The following RHOF variants were observed in gnomAD, a reference collection of about 807,000 sequenced individuals.
RHOF encodes rho-related GTP-binding protein RhoF.
Under a neutral mutation model 22.2 loss-of-function variants are expected in RHOF, and 21 were observed. The ratio of observed to expected loss-of-function variants is 0.95; its 90% CI spans 0.67 to 1.36. The LOEUF is 1.36. Ranked by LOEUF, RHOF falls within the 40% of genes most tolerant of loss-of-function variation. RHOF has a pLI of 0.00. For missense variants in RHOF, 285 were observed against 293.7 expected (o/e 0.97, Z 0.22); for synonymous variants, 135 against 131.2 (o/e 1.03, Z -0.20).
chr12:121,793,313 ACCCCCCTCACTCGTCCCGGATCAGC>A, intron 1 of RHOF, 74 bp from the exon 2 acceptor site: 1 of 1,457,294 alleles, frequency 6.9e-7, no homozygotes, highest in Non-Finnish European at 9.4e-7. Flanking sequence ...TCCACTGTCC[ACCCCCCTCACTCGTCCCGGATCAGC>A]CCCCCCTCAC....
rs1307671000 is a variant in RHOF at position 121,780,946 on chromosome 12, T to G, written c.397A>C (p.Thr133Pro). ...GIPMVLIGCKTDLRKDKEQLR... is the reference protein window; with the variant it reads ...GIPMVLIGCKPDLRKDKEQLR... Reference sequence around the variant, plus strand: ...TGCTCCTTGTCCTTCCTCAGGTCTGTCTTGCAGCCGATGAGCACCATGGGG... The same window carrying G: ...TGCTCCTTGTCCTTCCTCAGGTCTGGCTTGCAGCCGATGAGCACCATGGGG... Residue 133 changes from threonine (T) to proline (P), a missense_variant, in exon 4 of 5, where the codon ACA becomes CCA. Coordinates refer to ENST00000267205, the MANE Select transcript of RHOF (RefSeq NM_019034.3). 1 of 1,614,044 alleles carries G rather than the reference T, an allele frequency of 6.2e-7. No individual in the cohort carries two copies.
At chr12:121,781,228 C>T in intron 2 of RHOF, 36 bp from the exon 3 acceptor site, 2 of 1,588,262 alleles carry the variant, frequency 1.3e-6, no homozygotes, top group Non-Finnish European at 1.7e-6. Flanking sequence ...AGGGGACGTC[C>T]CCTCCCTGTC....
At chr12:121,793,090 C>A in intron 2 of RHOF, 62 bp downstream of exon 2, 1 of 1,422,496 alleles carries the variant, frequency 7.0e-7, no homozygotes, top group Non-Finnish European at 9.7e-7. Context: ...GGGGGACGCC[C>A]GGGAGGGGAA....
chr12:121,779,892 T>G, intron 4 of RHOF: 1 of 520,802 alleles, frequency 1.9e-6, no homozygotes, highest in Non-Finnish European at 3.5e-6. Context: ...CACCCTGGCC[T>G]CTCTCCAGCT....
intron 4 of RHOF, chr12:121,779,930 AC>A (rs1373757996): frequency 5.0e-6 from 2 of 402,068 alleles, no homozygotes; most frequent in African/African-American, 5.0e-5. Flanking sequence ...GAATCCTGAG[AC>A]CCGGGGTTGG....
At position 121,780,932 on chromosome 12, in the gene RHOF, C is replaced by T; in HGVS notation, c.411G>A (p.Lys137=). 7 of 1,614,068 alleles carry T rather than the reference C, an allele frequency of 4.3e-6. No individual in the cohort carries two copies. Among genetic ancestry groups the T allele is most frequent in the Non-Finnish European group, 5.9e-6 (7 of 1,179,982 alleles). Residue 137 remains lysine, a synonymous_variant, in exon 4 of 5, where the codon AAG becomes AAA. Transcript: ENST00000267205. The part of the protein sequence containing the change: ...VLIGCKTDLR[K]DKEQLRKLRA... ...GGAGCTTCCGCAGCTGCTCCTTGTC[C>T]TTCCTCAGGTCTGTCTTGCAGCCGA...
In RHOF at chr12:121,779,524, T is replaced by G. The variant is rs145959118; in HGVS notation, c.610A>C (p.Lys204Gln). Residue 204 changes from lysine to glutamine, a missense_variant, in exon 5 of 5, where the codon AAG (lysine) becomes CAG (glutamine). Physicochemically the swap from Lys to Gln is moderately conservative, Grantham distance 53. Coordinates refer to ENST00000267205, the MANE Select transcript of RHOF (RefSeq NM_019034.3). ...CAGAGCAGCAGGCAGAGCCGGCGCT[T>G]CTTCTGCCGTTGCGCCTTCTTCAGA... ...SALKKAQRQK[K>Q]RRLCLLL The G allele has an allele frequency of 5.3e-4, 850 of 1,613,144 alleles. 1 individual carries two copies. The highest frequency in any genetic ancestry group is 2.9e-3 in the South Asian group (266 of 91,084).
chr12:121,784,905 G>T (rs1427118320), intron 2 of RHOF, among the ~76,000 whole-genome samples: 7 of 152,186 alleles, frequency 4.6e-5, no homozygotes, highest in Non-Finnish European at 7.3e-5. Context: ...TGGATTCCAA[G>T]ACCCCCAGTG....
chr12:121,790,090 C>T (rs921734102), intron 2 of RHOF, among the ~76,000 whole-genome samples: 2 of 152,242 alleles, frequency 1.3e-5, no homozygotes, highest in South Asian at 2.1e-4. Flanking sequence ...CTGCGAGCCC[C>T]GTCACCCGAT....
At chr12:121,779,725 G>C in intron 4 of RHOF, 63 bp from the exon 5 acceptor site, 3 of 1,578,538 alleles carry the variant, frequency 1.9e-6, no homozygotes, top group Non-Finnish European at 2.6e-6. Context: ...GCACCACCTG[G>C]TGGGTTTGGG....
Position 121,780,990 on chromosome 12 carries a change from G to A in RHOF, c.353C>T (p.Thr118Met), listed in dbSNP as rs148151288. Residue 118 changes from threonine (T) to methionine (M), a missense_variant, in exon 4 of 5, where the codon ACG becomes ATG. Coordinates refer to ENST00000267205, the MANE Select transcript of RHOF (RefSeq NM_019034.3). ...NVLIKWFPEVTHFCRGIPMVL... is the reference protein window; with the variant it reads ...NVLIKWFPEVMHFCRGIPMVL... The stretch of plus-strand genomic sequence containing the variant: ...CATGGGGATCCCGCGGCAGAAATGC[G>A]TGACCTCAGGGAACCACTGTGGAGG... The A allele has an allele frequency of 7.1e-5, 115 of 1,613,800 alleles. No individual in the cohort carries two copies. In the African/African-American group the frequency reaches 1.2e-3, roughly 17 times the overall value.
At chr12:121,780,763 G>C (rs1874420065) in intron 4 of RHOF, 109 bp downstream of exon 4, 5 of 1,251,126 alleles carry the variant, frequency 4.0e-6, no homozygotes, top group Admixed American at 2.5e-5. Flanking sequence ...TTAGAATCTT[G>C]CTTCCCTCAG....
At chr12:121,785,207 G>A (rs1874574679) in intron 2 of RHOF, among the ~76,000 whole-genome samples, 1 of 152,108 alleles carries the variant, frequency 6.6e-6, no homozygotes, top group Non-Finnish European at 1.5e-5. Flanking sequence ...AGAGGAAGGG[G>A]CGAATCATAT....
At chr12:121,782,990 C>CA (rs1566532458) in intron 2 of RHOF, 1 of 152,262 alleles carries the variant, frequency 6.6e-6, no homozygotes, top group Admixed American at 6.5e-5. Context: ...AATGAATTAA[C>CA]ATAAAGCATT....
intron 2 of RHOF, among the ~76,000 whole-genome samples, chr12:121,783,199 G>T (rs1410314284): frequency 7.0e-6 from 1 of 143,490 alleles, no homozygotes; most frequent in East Asian, 2.1e-4. Flanking sequence ...CCTCTTCCCT[G>T]CCTCCTGCAG....
chr12:121,779,716 C>T, intron 4 of RHOF, 54 bp from the exon 5 acceptor site: 1 of 1,595,902 alleles, frequency 6.3e-7, no homozygotes, highest in East Asian at 2.2e-5. Context: ...GGTCTCCTAG[C>T]ACCACCTGGT....
rs1237518119 is a variant in RHOF, at chr12:121,778,111, G to A, written c.*1387C>T. ...ACTCCTAGGCGCCCTCCAGAGCCAA[G>A]CAGCTTGCGACTTCTGGTAGGCACC... On this transcript the variant is annotated 3_prime_UTR_variant, in exon 5 of 5. Transcript: ENST00000267205. 1 of 152,198 alleles carries A rather than the reference G, an allele frequency of 6.6e-6. No individual in the cohort carries two copies. The highest frequency in any genetic ancestry group is 1.5e-5 in the Non-Finnish European group (1 of 68,054). The allele number at this position is 152,198 out of a possible 1,614,324, so 9.4% of individuals were successfully genotyped here. A position where few individuals can be genotyped will look rare whatever the true frequency, so the allele number is the denominator to read the frequency against.
intron 2 of RHOF, 113 bp downstream of exon 2, chr12:121,793,039 G>A (rs1566535880): frequency 7.6e-6 from 7 of 925,434 alleles, no homozygotes; most frequent in Non-Finnish European, 1.2e-5. Context: ...GTGAAGAGCC[G>A]GCCAAGGCCC....
chr12:121,780,434 C>A, intron 4 of RHOF: 1 of 264,386 alleles, frequency 3.8e-6, no homozygotes, highest in Non-Finnish European at 7.2e-6. Context: ...TGTTTATTCC[C>A]CCATGCCTCA....
Sources: gnomAD v4.1 joint callset for allele counts (sites outside exome capture counted in the v4.1 genomes callset) on GRCh38, gnomAD v4.1.1 for gene constraint, MANE v1.5 for transcripts, NCBI Gene and HGNC (gene_info 2026-07-23, HGNC 2026-07-21) for gene names.